The following SOX6 variants were observed in gnomAD, a reference collection of about 807,000 sequenced individuals.
The protein encoded by SOX6 is transcription factor SOX-6.
A neutral mutation model predicts 97.8 loss-of-function variants in SOX6; 11 were observed. The ratio of observed to expected loss-of-function variants is 0.11; its 90% CI spans 0.07 to 0.19. SOX6 has a LOEUF of 0.19. SOX6 is among the 10% of genes least tolerant of loss of function. The pLI is 1.00. For synonymous variants in SOX6, 360 were observed against 371.4 expected, an observed-to-expected ratio of 0.97 and a Z score of 0.35; for missense variants, 810 against 1,039.5, an observed-to-expected ratio of 0.78 and a Z score of 3.04.
chr11:15,993,091 G>A (rs924883176), intron 13 of SOX6, among the ~76,000 whole-genome samples: 1 of 152,048 alleles, frequency 6.6e-6, no homozygotes, highest in African/African-American at 2.4e-5. Flanking sequence ...ATATGATTAT[G>A]TGTGTGTGTA....
At chr11:16,485,502 T>A (rs1277809849) in intron 4 of SOX6, among the ~76,000 whole-genome samples, 1 of 151,832 alleles carries the variant, frequency 6.6e-6, no homozygotes, top group Non-Finnish European at 1.5e-5. Context: ...GAGGCCAGGG[T>A]GGGCAAGTCA....
At chr11:16,279,745 C>G (rs1192402181) in intron 3 of SOX6, among the ~76,000 whole-genome samples, 1 of 151,940 alleles carries the variant, frequency 6.6e-6, no homozygotes, top group Non-Finnish European at 1.5e-5. Context: ...CACCCAAAAC[C>G]TACTTTCACA....
At chr11:16,612,603 G>A (rs1036401714) in intron 3 of SOX6, among the ~76,000 whole-genome samples, 1 of 151,582 alleles carries the variant, frequency 6.6e-6, no homozygotes, top group African/African-American at 2.4e-5. Flanking sequence ...GGAGTGGGGG[G>A]ATGGCGATGA....
In SOX6 at chr11:16,318,483, C is replaced by G; in HGVS notation, c.408G>C (p.Gln136His). ...TCCGAGTCATTTCCTCAAGCTTCTTCTGTTTCAGTGTGTCCACCACATCGG... is the reference window on the plus strand; with the variant it reads ...TCCGAGTCATTTCCTCAAGCTTCTTGTGTTTCAGTGTGTCCACCACATCGG... The part of the protein sequence containing the change: ...SLADVVDTLK[Q>H]KKLEEMTRTE... Residue 136 changes from glutamine (Q) to histidine (H), a missense_variant, in exon 3 of 16, where the codon CAG (glutamine) becomes CAC (histidine). Coordinates refer to ENST00000683767, the MANE Select transcript of SOX6 (RefSeq NM_001367873.1). 1.2e-6 allele frequency: 2 copies of G among 1,613,302 alleles called. No homozygotes were observed. Among genetic ancestry groups the G allele is most frequent in the Non-Finnish European group, 1.7e-6 (2 of 1,179,704 alleles).
chr11:16,186,662 T>C, intron 5 of SOX6, 121 bp downstream of exon 5: 13 of 1,282,882 alleles, frequency 1.0e-5, no homozygotes, highest in Non-Finnish European at 1.4e-5. Flanking sequence ...TTTCCATCTT[T>C]TCTTATTTTT....
At chr11:16,362,425 G>A (rs1423420630) in intron 1 of SOX6, among the ~76,000 whole-genome samples, 1 of 152,050 alleles carries the variant, frequency 6.6e-6, no homozygotes, top group African/African-American at 2.4e-5. Flanking sequence ...ATAGCAACAT[G>A]GTACCACCAT....
intron 3 of SOX6, among the ~76,000 whole-genome samples, chr11:16,671,294 C>A (rs926664253): frequency 3.3e-5 from 5 of 152,122 alleles, no homozygotes; most frequent in Non-Finnish European, 5.9e-5. Context: ...CTTAACCAGG[C>A]TGAGCTGGCT....
At chr11:16,385,112 T>A (rs1231489263) in intron 1 of SOX6, among the ~76,000 whole-genome samples, 2 of 152,126 alleles carry the variant, frequency 1.3e-5, no homozygotes, top group African/African-American at 4.8e-5. Flanking sequence ...TTATCAGAAG[T>A]AATAGTACAG....
chr11:16,611,029 G>A (rs1319391268), intron 4 of SOX6, among the ~76,000 whole-genome samples: 1 of 152,198 alleles, frequency 6.6e-6, no homozygotes, highest in East Asian at 1.9e-4. Context: ...GAGCGGGTGG[G>A]GCTGACTTAC....
At position 16,545,344 on chromosome 11, in the gene SOX6, CAAA is replaced by C. The variant is rs71455887; in HGVS notation, n.609+66734_609+66736del. 6.7e-4 allele frequency among the ~76,000 whole-genome samples: 81 copies of C among 121,208 alleles called. 1 individual carries two copies. Among genetic ancestry groups the C allele is most frequent in the Admixed American group, 1.0e-3 (12 of 11,896 alleles). 79.5% of individuals were successfully genotyped at this position (121,208 alleles called of 152,430 possible). A position where few individuals can be genotyped will look rare whatever the true frequency, so the allele number is the denominator to read the frequency against. On this transcript the variant is annotated intron_variant and non_coding_transcript_variant, in intron 4 of 5. Coordinates refer to the SOX6 transcript ENST00000524520. ...ACTTTAACAAAGTAAAGTCCAAGCC[CAAA>C]AAAAAAAAAAAAGAACCCACATCTC...
chr11:16,609,709 C>T (rs1848374957), intron 4 of SOX6, among the ~76,000 whole-genome samples: 1 of 152,118 alleles, frequency 6.6e-6, no homozygotes, highest in East Asian at 1.9e-4. Context: ...CACACAAACT[C>T]CAGATAAAAA....
chr11:16,663,784 G>A (rs1004761602), intron 3 of SOX6, among the ~76,000 whole-genome samples: 1 of 152,046 alleles, frequency 6.6e-6, no homozygotes, highest in South Asian at 2.1e-4. Flanking sequence ...ATTAATTCGA[G>A]GTATGTTTTC....
intron 3 of SOX6, among the ~76,000 whole-genome samples, chr11:16,249,430 T>A (rs1278259800): frequency 6.6e-6 from 1 of 152,184 alleles, no homozygotes; most frequent in East Asian, 1.9e-4. Flanking sequence ...TGAGCCCACT[T>A]CAGCCTGGAC....
chr11:15,990,577 T>C (rs1394900214), intron 13 of SOX6, among the ~76,000 whole-genome samples: 4 of 152,230 alleles, frequency 2.6e-5, no homozygotes, highest in East Asian at 3.9e-4. Flanking sequence ...AATGAATAAA[T>C]AAATGAATGA....
At chr11:16,274,532 C>A (rs1279374232) in intron 3 of SOX6, among the ~76,000 whole-genome samples, 1 of 151,968 alleles carries the variant, frequency 6.6e-6, no homozygotes, top group Non-Finnish European at 1.5e-5. Context: ...AAAAGAAAAA[C>A]AACAATTATT....
In SOX6 at chr11:16,311,957, C is replaced by T. The variant is rs569591818; in HGVS notation, c.445+6489G>A. ...ATAATCCATCAAATATACACATAAA[C>T]ACATGCTCATTCTTGTGCTGGGAAA... On this transcript the variant is annotated intron_variant, in intron 3 of 15. Coordinates refer to ENST00000683767, the MANE Select transcript of SOX6 (RefSeq NM_001367873.1). 3.3e-5 allele frequency: 5 copies of T among 152,158 alleles called. No homozygotes were observed. In the East Asian group the frequency reaches 9.7e-4, roughly 29 times the overall value. The allele number at this position is 152,158 out of a possible 1,614,324, so 9.4% of individuals were successfully genotyped here.
chr11:16,280,244 C>A (rs1318090227), intron 3 of SOX6, among the ~76,000 whole-genome samples: 1 of 151,994 alleles, frequency 6.6e-6, no homozygotes, highest in Non-Finnish European at 1.5e-5. Flanking sequence ...AATTTGCTTT[C>A]CCCACAAAAA....
At chr11:16,076,735 A>ATTTTTTTTT (rs1156737950) in intron 9 of SOX6, among the ~76,000 whole-genome samples, 1 of 94,152 alleles carries the variant, frequency 1.1e-5, no homozygotes, top group Non-Finnish European at 1.9e-5. Flanking sequence ...GGTACTACAC[A>ATTTTTTTTT]TTTTTTTTTT....
At chr11:16,719,368 C>CA (rs1848242203) in intron 2 of SOX6, among the ~76,000 whole-genome samples, 2 of 152,122 alleles carry the variant, frequency 1.3e-5, no homozygotes, top group African/African-American at 4.8e-5. Context: ...ATAGCCTAGT[C>CA]AATCAAAGAT....
Sources: gnomAD v4.1 joint callset for allele counts (sites outside exome capture counted in the v4.1 genomes callset) on GRCh38, gnomAD v4.1.1 for gene constraint, MANE v1.5 for transcripts, NCBI Gene and HGNC (gene_info 2026-07-23, HGNC 2026-07-21) for gene names.